The following HS6ST3 variants were observed in gnomAD, a reference collection of about 807,000 sequenced individuals.
HS6ST3 encodes heparan-sulfate 6-O-sulfotransferase 3.
In HS6ST3, 12 loss-of-function variants were observed where a neutral mutation model predicts 36.7. That is an observed-to-expected ratio of 0.33 (90% CI 0.21 to 0.53). HS6ST3 has a LOEUF of 0.53. Among genes scored for constraint, HS6ST3 ranks in the 20% least tolerant of loss-of-function variants. The pLI is 0.95. For synonymous variants in HS6ST3, 240 were observed against 257.5 expected, an observed-to-expected ratio of 0.93 and a Z score of 0.65; for missense variants, 584 against 640.9, an observed-to-expected ratio of 0.91 and a Z score of 0.96.
At chr13:96,112,583 ATATATATATATAT>A (rs2053874646) in intron 1 of HS6ST3, among the ~76,000 whole-genome samples, 9 of 41,970 alleles carry the variant, frequency 2.1e-4, no homozygotes, top group Non-Finnish European at 3.6e-4. Context: ...AAATAAATAT[ATATATATATATAT>A]ATATATATAT....
At chr13:96,210,371 C>T (rs921321106) in intron 1 of HS6ST3, among the ~76,000 whole-genome samples, 23 of 152,228 alleles carry the variant, frequency 1.5e-4, no homozygotes, top group African/African-American at 5.5e-4. Context: ...GCACTCCCCT[C>T]TCGCCACTGT....
chr13:96,768,786 C>T (rs1366748330), intron 1 of HS6ST3, among the ~76,000 whole-genome samples: 1 of 151,894 alleles, frequency 6.6e-6, no homozygotes, highest in East Asian at 2.0e-4. Flanking sequence ...GTTTAGTCTG[C>T]TTGCTTATAC....
chr13:96,770,010 TG>T, intron 1 of HS6ST3, among the ~76,000 whole-genome samples: 1 of 152,328 alleles, frequency 6.6e-6, no homozygotes. Context: ...TATTTCTTTC[TG>T]CATTTTGCTG....
chr13:96,638,928 T>C (rs1594824256), intron 1 of HS6ST3, among the ~76,000 whole-genome samples: 1 of 151,976 alleles, frequency 6.6e-6, no homozygotes, highest in East Asian at 1.9e-4. Flanking sequence ...TTTAATTCAT[T>C]CAGTTTTAGC....
In HS6ST3 at chr13:96,658,268, C is replaced by CTTCTTTTTTTTTTTTTTTTTTT. The variant is rs1566422902; in HGVS notation, c.708-174220_708-174219insCTTTTTTTTTTTTTTTTTTTTT. Among the ~76,000 whole-genome samples, 81 of 76,130 alleles carry CTTCTTTTTTTTTTTTTTTTTTT rather than the reference C, an allele frequency of 1.1e-3. 7 individuals carry two copies. The highest frequency in any genetic ancestry group is 1.7e-3 in the Non-Finnish European group (68 of 41,012). The allele number at this position is 76,130 out of a possible 152,430, so 49.9% of individuals were successfully genotyped here. On this transcript the variant is annotated intron_variant, in intron 1 of 1. Transcript: ENST00000376705. ...TTCTTCTTCTTCTTCTCTTCTTCTT[C>CTTCTTTTTTTTTTTTTTTTTTT]TTTTTTTTTTTTTTTTTTTTTTTTT...
At chr13:96,279,349 G>C (rs907051235) in intron 1 of HS6ST3, among the ~76,000 whole-genome samples, 1 of 152,094 alleles carries the variant, frequency 6.6e-6, no homozygotes, top group African/African-American at 2.4e-5. Flanking sequence ...ACTATACGCT[G>C]GGTACGGTGT....
chr13:96,397,755 C>T (rs2055429452), intron 1 of HS6ST3, among the ~76,000 whole-genome samples: 1 of 152,210 alleles, frequency 6.6e-6, no homozygotes, highest in African/African-American at 2.4e-5. Flanking sequence ...AGAGTTTACA[C>T]AGAACTTACA....
intron 1 of HS6ST3, among the ~76,000 whole-genome samples, chr13:96,174,258 A>G (rs1390717652): frequency 6.6e-6 from 1 of 152,118 alleles, no homozygotes; most frequent in Non-Finnish European, 1.5e-5. Context: ...TTTTCTGCCT[A>G]TATGTTTATA....
chr13:96,739,655 A>T (rs1362779104), intron 1 of HS6ST3, among the ~76,000 whole-genome samples: 2 of 152,084 alleles, frequency 1.3e-5, no homozygotes, highest in Non-Finnish European at 2.9e-5. Context: ...TCTCACCATG[A>T]TTATTCTACA....
At chr13:96,649,609 G>A (rs2056600574) in intron 1 of HS6ST3, among the ~76,000 whole-genome samples, 1 of 151,980 alleles carries the variant, frequency 6.6e-6, no homozygotes, top group African/African-American at 2.4e-5. Context: ...CCATCAAGAT[G>A]CCACTTGATT....
At chr13:96,777,934 C>A (rs559199910) in intron 1 of HS6ST3, among the ~76,000 whole-genome samples, 1 of 152,058 alleles carries the variant, frequency 6.6e-6, no homozygotes, top group African/African-American at 2.4e-5. Context: ...TACTACAAGG[C>A]GACAGTAACC....
chr13:96,657,682 G>A (rs1266994099), intron 1 of HS6ST3, among the ~76,000 whole-genome samples: 1 of 152,244 alleles, frequency 6.6e-6, no homozygotes, highest in Non-Finnish European at 1.5e-5. Flanking sequence ...ATCCTTGACG[G>A]TGGACATGCT....
intron 1 of HS6ST3, among the ~76,000 whole-genome samples, chr13:96,753,278 A>G (rs1348056092): frequency 6.6e-6 from 1 of 152,188 alleles, no homozygotes. Flanking sequence ...AACAACCCTC[A>G]TGAAATTGGA....
intron 1 of HS6ST3, among the ~76,000 whole-genome samples, chr13:96,785,962 A>G (rs1877636820): frequency 6.6e-6 from 1 of 152,232 alleles, no homozygotes. Context: ...CTTTGCTTAA[A>G]GAAACAATAA....
At chr13:96,708,030 A>G (rs1169715391) in intron 1 of HS6ST3, among the ~76,000 whole-genome samples, 2 of 152,222 alleles carry the variant, frequency 1.3e-5, no homozygotes, top group Non-Finnish European at 2.9e-5. Flanking sequence ...GACATTCCAG[A>G]TAGGCTTTAA....
chr13:96,257,146 T>G (rs1174199730), intron 1 of HS6ST3, among the ~76,000 whole-genome samples: 2 of 152,144 alleles, frequency 1.3e-5, no homozygotes, highest in Non-Finnish European at 2.9e-5. Context: ...TTCACTGTAC[T>G]TAATAGTGCC....
At chr13:96,679,380 C>T (rs2056710456) in intron 1 of HS6ST3, among the ~76,000 whole-genome samples, 1 of 151,968 alleles carries the variant, frequency 6.6e-6, no homozygotes, top group African/African-American at 2.4e-5. Context: ...ACTGCCACAT[C>T]CCTGTTTGCC....
At chr13:96,224,288 C>G (rs1162870990) in intron 1 of HS6ST3, among the ~76,000 whole-genome samples, 1 of 152,126 alleles carries the variant, frequency 6.6e-6, no homozygotes, top group Non-Finnish European at 1.5e-5. Context: ...GTCTCAAGGC[C>G]TATACCAAAT....
chr13:96,831,141 A>G (rs1878771880), intron 1 of HS6ST3, among the ~76,000 whole-genome samples: 2 of 151,958 alleles, frequency 1.3e-5, no homozygotes, highest in Admixed American at 1.3e-4. Context: ...TCATTTCTCA[A>G]CTTCTCCATC....
Sources: allele counts gnomAD v4.1 joint callset (sites outside exome capture counted in the v4.1 genomes callset), GRCh38; gene constraint gnomAD v4.1.1; transcripts MANE v1.5; gene names NCBI Gene and HGNC (gene_info 2026-07-23, HGNC 2026-07-21).